Variants in SDHA observed in about 807,000 individuals in gnomAD.
SDHA encodes succinate dehydrogenase [ubiquinone] flavoprotein subunit, mitochondrial.
In SDHA, 48 loss-of-function variants were observed where a neutral mutation model predicts 78.4. The ratio of observed to expected loss-of-function variants is 0.61; its 90% CI spans 0.49 to 0.78. The LOEUF (loss-of-function observed/expected upper bound fraction) is 0.78, where lower values mean the gene tolerates loss of function less well. Among genes scored for constraint, SDHA ranks in the 30% least tolerant of loss-of-function variants. The pLI is 0.00. For missense variants in SDHA, 680 were observed against 892.7 expected, an observed-to-expected ratio of 0.76 and a Z score of 3.04; for synonymous variants, 326 against 353.9, an observed-to-expected ratio of 0.92 and a Z score of 0.88.
chr5:262,784 G>GT, the SDHA span, among the ~76,000 whole-genome samples: 1 of 144,542 alleles, frequency 6.9e-6, no homozygotes, highest in African/African-American at 2.5e-5. Context: ...TCATTAGAAA[G>GT]TAATATTAGG....
intron 13 of SDHA, 31 bp from the exon 14 acceptor site, chr5:254,362 A>G (rs751550028): frequency 5.1e-6 from 8 of 1,555,018 alleles, no homozygotes; most frequent in Non-Finnish European, 7.0e-6. Context: ...TGTTAGAGTA[A>G]TAAGAAACGT....
rs377415114 is a variant in SDHA at position 236,595 on chromosome 5, G to C, written c.1428G>C (p.Arg476Ser). The C allele has an allele frequency of 9.3e-6, 15 of 1,613,908 alleles. No homozygotes were observed. Among genetic ancestry groups the C allele is most frequent in the South Asian group, 2.2e-5 (2 of 91,076 alleles). Residue 476 changes from arginine (R) to serine (S), a missense_variant, in exon 10 of 15, where the codon AGG (arginine) becomes AGC (serine). Transcript: ENST00000264932. ...ACALSIEESC[R>S]PGDKVPPIKP... Reference sequence around the variant, plus strand: ...CCCTGAGCATCGAAGAGTCATGCAGGCCTGGTAAGTGTTTTCTTCAGGAGC... The same window carrying C: ...CCCTGAGCATCGAAGAGTCATGCAGCCCTGGTAAGTGTTTTCTTCAGGAGC...
rs776500078 is a variant in SDHA, at chr5:254,489, G to A, written c.1891G>A (p.Asp631Asn). The change falls in exon 14 of 15, where the codon GAC becomes AAC. Residue 631 changes from aspartate to asparagine, a missense_variant. Transcript: ENST00000264932. ...HWRKHTLSYV[D>N]VGTGKVTLEY... ...GAGGAAGCACACCCTGTCCTATGTG[G>A]ACGTTGGCACTGGGAAGGTCAGTGT... 1 of 1,572,118 alleles carries A rather than the reference G, an allele frequency of 6.4e-7. No homozygotes were observed. The highest frequency in any genetic ancestry group is 8.6e-7 in the Non-Finnish European group (1 of 1,159,116).
chr5:231,759 C>G (rs979458704), intron 7 of SDHA, among the ~76,000 whole-genome samples: 2 of 151,444 alleles, frequency 1.3e-5, no homozygotes, highest in African/African-American at 4.8e-5. Context: ...GCAGCACAGG[C>G]AGACTTCAGC....
At chr5:239,030 C>G (rs1419930152) in intron 10 of SDHA, among the ~76,000 whole-genome samples, 1 of 151,232 alleles carries the variant, frequency 6.6e-6, no homozygotes, top group Admixed American at 6.6e-5. Flanking sequence ...ACTGAATGAT[C>G]AATTTTTAAA....
chr5:223,797 T>G (rs1468113756), intron 2 of SDHA, among the ~76,000 whole-genome samples: 3 of 92,680 alleles, frequency 3.2e-5, no homozygotes, highest in South Asian at 2.5e-4. Context: ...TAAACTAGAT[T>G]TAAATTTAGA....
intron 14 of SDHA, 141 bp from the exon 15 acceptor site, chr5:256,193 A>C: frequency 1.4e-6 from 1 of 737,062 alleles, no homozygotes; most frequent in East Asian, 2.5e-5. Context: ...ACATGATGGG[A>C]GCATTTTTGT....
At chr5:239,400 T>C (rs1048473351) in intron 10 of SDHA, among the ~76,000 whole-genome samples, 1 of 151,806 alleles carries the variant, frequency 6.6e-6, no homozygotes, top group Non-Finnish European at 1.5e-5. Flanking sequence ...CTACTGAAAA[T>C]ACAAAAAATT....
the SDHA span, among the ~76,000 whole-genome samples, chr5:268,146 T>C: frequency 6.6e-6 from 1 of 152,186 alleles, no homozygotes; most frequent in Non-Finnish European, 1.5e-5. Context: ...ACTCATCCAT[T>C]TGTACATTCA....
chr5:253,076 G>A (rs1231601749), intron 13 of SDHA: 1 of 152,276 alleles, frequency 6.6e-6, no homozygotes, highest in South Asian at 2.1e-4. Context: ...GTTGGATTCT[G>A]CCTGGTAAGA....
At chr5:253,754 TCA>T (rs1339474514) in intron 13 of SDHA, among the ~76,000 whole-genome samples, 1 of 152,042 alleles carries the variant, frequency 6.6e-6, no homozygotes, top group East Asian at 1.9e-4. Context: ...ATTTAGTTGG[TCA>T]CAGTCAGTTT....
At chr5:221,469 G>T (rs1284626089) in intron 1 of SDHA, among the ~76,000 whole-genome samples, 3 of 152,184 alleles carry the variant, frequency 2.0e-5, no homozygotes, top group Admixed American at 2.0e-4. Context: ...TCTTGCTCGT[G>T]ATTTATAGGT....
rs1204881025 is a variant in SDHA, at chr5:224,424, C to T, written c.215C>T (p.Ala72Val). The stretch of plus-strand genomic sequence containing the variant: ...GCAGTGGTGGTAGGCGCTGGAGGGG[C>T]AGGCTTGCGAGCTGCATTTGGCCTT... ...FDAVVVGAGG[A>V]GLRAAFGLSE... is the part of the protein sequence containing the mutation. The change falls in exon 3 of 15, where the codon GCA (alanine) becomes GTA (valine). Residue 72 changes from alanine to valine, a missense_variant. Ala to Val is a moderately conservative substitution (Grantham distance 64). Transcript: ENST00000264932. 1 of 1,613,634 alleles carries T rather than the reference C, an allele frequency of 6.2e-7. No individual in the cohort carries two copies.
At chr5:259,440 CAG>C (rs1169669267), downstream of SDHA, among the ~76,000 whole-genome samples, 4 of 50,394 alleles carry the variant, frequency 7.9e-5, no homozygotes, top group East Asian at 7.8e-4. Context: ...CGCCTCCCGA[CAG>C]AGCATTACCG....
chr5:219,943 C>T (rs1399437634), intron 1 of SDHA, among the ~76,000 whole-genome samples: 1 of 152,208 alleles, frequency 6.6e-6, no homozygotes, highest in African/African-American at 2.4e-5. Flanking sequence ...GAAATTCTGC[C>T]TGCAAGCAGC....
Position 246,391 on chromosome 5 carries a change from G to A in SDHA, c.1552-4601G>A, listed in dbSNP as rs186752577. 2.3e-4 allele frequency among the ~76,000 whole-genome samples: 35 copies of A among 150,338 alleles called. 3 individuals are homozygous for A. Among genetic ancestry groups the A allele is most frequent in the African/African-American group, 7.2e-4 (29 of 40,478 alleles). ...GACTTGAGCTGCAGCTGATCGAAAC[G>A]CAAGGCCGTAAAGCCCAAATCAATA... On this transcript the variant is annotated intron_variant, in intron 11 of 14. Transcript: ENST00000264932.
At chr5:262,377 C>A in the SDHA span, among the ~76,000 whole-genome samples, 3 of 139,620 alleles carry the variant, frequency 2.1e-5, 1 homozygote, top group Non-Finnish European at 3.1e-5. Flanking sequence ...TGAGCTCCGC[C>A]TCCTGTCCAA....
At chr5:229,873 G>T (rs1735278874) in intron 6 of SDHA, among the ~76,000 whole-genome samples, 1 of 125,228 alleles carries the variant, frequency 8.0e-6, no homozygotes, top group South Asian at 2.1e-4. Flanking sequence ...ACAGCATGGT[G>T]GCCAGAGTTA....
rs760796714 is a variant in SDHA at position 240,483 on chromosome 5, G to A, written c.1551+7G>A. 1 of 1,563,208 alleles carries A rather than the reference G, an allele frequency of 6.4e-7. No individual in the cohort carries two copies. ...GCGACTCAGCATGCAGAAGGTAAGA[G>A]CCTGGACTCGCTCTGGAGTGAGCAG... On this transcript the variant is annotated splice_region_variant and intron_variant, in intron 11 of 14. Transcript: ENST00000264932.
Sources: allele counts gnomAD v4.1 joint callset (sites outside exome capture counted in the v4.1 genomes callset), GRCh38; gene constraint gnomAD v4.1.1; transcripts MANE v1.5; gene names NCBI Gene and HGNC (gene_info 2026-07-23, HGNC 2026-07-21).